SEC14L4: variants seen among roughly 807,000 people sequenced by gnomAD.
SEC14L4 encodes SEC14 like lipid binding 4, also known as SEC14-like protein 4.
A neutral mutation model predicts 55.1 loss-of-function variants in SEC14L4; 42 were observed. That is an observed-to-expected ratio of 0.76 (90% CI 0.60 to 0.99). The LOEUF is 0.99. SEC14L4 is among the 50% of genes least tolerant of loss of function. The pLI is 0.00. For missense variants in SEC14L4, 445 were observed against 512.1 expected, an observed-to-expected ratio of 0.87 and a Z score of 1.27; for synonymous variants, 206 against 206.8, an observed-to-expected ratio of 1.00 and a Z score of 0.03.
intron 2 of SEC14L4, among the ~76,000 whole-genome samples, chr22:30,503,427 C>A (rs1936394015): frequency 6.6e-6 from 1 of 151,974 alleles, no homozygotes; most frequent in African/African-American, 2.4e-5. Context: ...ACCAAGCCAG[C>A]TAATTTTGTA....
rs777954140 is a variant in SEC14L4 at position 30,491,649 on chromosome 22, C to G, written c.1005G>C (p.Glu335Asp). The G allele has an allele frequency of 2.5e-5, 41 of 1,614,090 alleles. No individual in the cohort carries two copies. Among genetic ancestry groups the G allele is most frequent in the Middle Eastern group, 3.3e-4 (2 of 6,084 alleles). The stretch of plus-strand genomic sequence containing the variant: ...CATTGTAGCGCTGGCTGGGCAGCAC[C>G]TCCGTCATCTCCCTAGCACTCTGCT... ...GEQQSAREMT[E>D]VLPSQRYNAH... Residue 335 changes from glutamate (E) to aspartate (D), a missense_variant, in exon 11 of 12, where the codon GAG becomes GAC. Coordinates refer to ENST00000255858, the MANE Select transcript of SEC14L4 (RefSeq NM_174977.4).
chr22:30,490,322 T>A, intron 11 of SEC14L4, 76 bp from the exon 12 acceptor site: 1 of 1,594,268 alleles, frequency 6.3e-7, no homozygotes, highest in Admixed American at 1.7e-5. Context: ...CATGGGTGCA[T>A]CCCTGGAACC....
chr22:30,505,534 C>T, intron 1 of SEC14L4, 24 bp downstream of exon 1: 1 of 1,556,054 alleles, frequency 6.4e-7, no homozygotes, highest in Non-Finnish European at 8.7e-7. Context: ...CTCCTCAAGC[C>T]TCCCAGCCCG....
chr22:30,503,264 T>G (rs1329267170), intron 2 of SEC14L4, among the ~76,000 whole-genome samples: 6 of 151,106 alleles, frequency 4.0e-5, no homozygotes, highest in African/African-American at 1.5e-4. Context: ...TTTTTTGTTT[T>G]TTTGTTTTTT....
intron 3 of SEC14L4, 114 bp from the exon 4 acceptor site, chr22:30,495,756 C>T (rs1260764477): frequency 3.1e-6 from 5 of 1,606,104 alleles, no homozygotes; most frequent in Non-Finnish European, 3.4e-6. Context: ...GCTCTCAGAG[C>T]GTGGGGACAG....
At chr22:30,491,286 T>TA (rs1935942108) in intron 11 of SEC14L4, 1 of 465,338 alleles carries the variant, frequency 2.1e-6, no homozygotes, top group Non-Finnish European at 3.9e-6. Flanking sequence ...CCCCTGACTC[T>TA]AAGTCCATGG....
intron 11 of SEC14L4, 131 bp from the exon 12 acceptor site, chr22:30,490,377 C>T: frequency 2.0e-6 from 3 of 1,467,774 alleles, no homozygotes; most frequent in Admixed American, 1.9e-5. Flanking sequence ...ATCCCTGGAA[C>T]CCTTGGAAAT....
At chr22:30,503,892 C>CATCTGAAAATAGGGCACCCTCCAGCCCAA (rs1936412935) in intron 1 of SEC14L4, 140 bp from the exon 2 acceptor site, 1 of 578,844 alleles carries the variant, frequency 1.7e-6, no homozygotes, top group East Asian at 3.0e-5. Context: ...ACGACTTTGC[C>CATCTGAAAATAGGGCACCCTCCAGCCCAA]ATCTGAAAAT....
chr22:30,496,771 T>C (rs973453742), intron 2 of SEC14L4, among the ~76,000 whole-genome samples: 1 of 152,240 alleles, frequency 6.6e-6, no homozygotes, highest in South Asian at 2.1e-4. Context: ...AGATAATGTA[T>C]AGAAAGTGTT....
At position 30,494,210 on chromosome 22, in the gene SEC14L4, A is replaced by T. The variant is rs547067828; in HGVS notation, c.520T>A (p.Phe174Ile). Residue 174 changes from phenylalanine (F) to isoleucine (I), a missense_variant and splice_region_variant, in exon 7 of 12, where the codon TTT becomes ATT. Phe to Ile is a conservative substitution (Grantham distance 21). Coordinates refer to ENST00000255858, the MANE Select transcript of SEC14L4 (RefSeq NM_174977.4). ...WKPAVEVYQQ[F>I]FSILEANYPE... Reference sequence around the variant, plus strand: ...TAATTTGCTTCCAGGATGCTAAAAAACTGTGGAGTCAAGATGAGTCTGGTT... The same window carrying T: ...TAATTTGCTTCCAGGATGCTAAAAATCTGTGGAGTCAAGATGAGTCTGGTT... The T allele has an allele frequency of 6.2e-7, 1 of 1,612,944 alleles. No individual in the cohort carries two copies. Among genetic ancestry groups the T allele is most frequent in the East Asian group, 2.2e-5 (1 of 44,872 alleles).
At chr22:30,491,416 A>G (rs1303124416) in intron 11 of SEC14L4, 157 bp downstream of exon 11, 16 of 757,250 alleles carry the variant, frequency 2.1e-5, no homozygotes, top group Non-Finnish European at 2.8e-5. Flanking sequence ...CTGCCCTCAT[A>G]CCTACAGGTA....
intron 7 of SEC14L4, among the ~76,000 whole-genome samples, chr22:30,492,969 G>A (rs1034350105): frequency 4.6e-5 from 7 of 151,512 alleles, no homozygotes; most frequent in Non-Finnish European, 2.9e-5. Context: ...TTGTAATCCC[G>A]GCTACTCGGG....
Position 30,492,538 on chromosome 22 carries a change from C to A in SEC14L4, c.600G>T (p.Val200=). Residue 200 remains valine, a synonymous_variant, in exon 8 of 12, where the codon GTG becomes GTT. Transcript: ENST00000255858. ...TGAACGACTTGACCAAGTTGAAGGC[C>A]ACGGGGAACAGTTTTGGGGCTGAAA... is the stretch of plus-strand genomic sequence containing the variant. ...IVIRAPKLFP[V]AFNLVKSFMS... is the part of the protein sequence containing the mutation. 1 of 1,613,772 alleles carries A rather than the reference C, an allele frequency of 6.2e-7. No homozygotes were observed.
intron 11 of SEC14L4, among the ~76,000 whole-genome samples, chr22:30,490,525 G>A (rs1935919412): frequency 6.6e-6 from 1 of 152,212 alleles, no homozygotes; most frequent in Non-Finnish European, 1.5e-5. Context: ...ACAGCACACA[G>A]CCAGGGAGCA....
At chr22:30,500,162 G>T (rs1342914142) in intron 2 of SEC14L4, among the ~76,000 whole-genome samples, 1 of 152,086 alleles carries the variant, frequency 6.6e-6, no homozygotes, top group Non-Finnish European at 1.5e-5. Flanking sequence ...GAGCCACCGC[G>T]CCCGGCCAAC....
chr22:30,490,401 C>G (rs73392179), intron 11 of SEC14L4, 155 bp from the exon 12 acceptor site: 94,405 of 1,274,028 alleles, frequency 0.074, 4,768 homozygotes, highest in African/African-American at 0.2. Context: ...CTGTCCAGGA[C>G]AGTGGGTGGG....
chr22:30,500,080 G>C (rs1282783009), intron 2 of SEC14L4, among the ~76,000 whole-genome samples: 1 of 152,064 alleles, frequency 6.6e-6, no homozygotes, highest in Non-Finnish European at 1.5e-5. Context: ...ATGTTGGTCA[G>C]GCTTTTCTCG....
chr22:30,496,002 A>G, intron 2 of SEC14L4, 31 bp from the exon 3 acceptor site: 1 of 1,608,970 alleles, frequency 6.2e-7, no homozygotes. Context: ...TAGAAGCTCA[A>G]GGCTAGATCC....
chr22:30,498,001 C>T (rs868541911), intron 2 of SEC14L4, among the ~76,000 whole-genome samples: 2 of 151,800 alleles, frequency 1.3e-5, no homozygotes, highest in African/African-American at 2.4e-5. Flanking sequence ...CTGAACAGGG[C>T]AGTTCTATAT....
Sources: allele counts gnomAD v4.1 joint callset (sites outside exome capture counted in the v4.1 genomes callset), GRCh38; gene constraint gnomAD v4.1.1; transcripts MANE v1.5; gene names NCBI Gene and HGNC (gene_info 2026-07-23, HGNC 2026-07-21).